Variants in MVB12B observed in about 807,000 individuals in gnomAD.
MVB12B encodes the protein ESCRT-I complex subunit MVB12B.
MVB12B carries 16 observed loss-of-function variants against 41.6 expected under a neutral mutation model. That is an observed-to-expected ratio of 0.38 (90% CI 0.26 to 0.58). MVB12B has a LOEUF of 0.58. Ranked by LOEUF, MVB12B falls within the 20% of genes least tolerant of loss-of-function variation. The pLI is 0.62. For missense variants in MVB12B, 274 were observed against 380.2 expected (o/e 0.72, Z 2.32); for synonymous variants, 133 against 139.7 (o/e 0.95, Z 0.34).
chr9:126,490,886 A>G (rs1032139598), intron 9 of MVB12B, among the ~76,000 whole-genome samples: 5 of 152,224 alleles, frequency 3.3e-5, no homozygotes, highest in African/African-American at 9.6e-5. Context: ...TTAAATGAAC[A>G]TATTTGCTAA....
intron 5 of MVB12B, among the ~76,000 whole-genome samples, chr9:126,394,911 T>C (rs951308348): frequency 2.6e-5 from 4 of 152,116 alleles, no homozygotes; most frequent in African/African-American, 9.7e-5. Context: ...CCTAGGAGCG[T>C]GGCTGTCTCC....
At chr9:126,498,566 A>G (rs1833886871) in intron 9 of MVB12B, among the ~76,000 whole-genome samples, 1 of 152,204 alleles carries the variant, frequency 6.6e-6, no homozygotes, top group Non-Finnish European at 1.5e-5. Flanking sequence ...GTTGCACCCC[A>G]GGAGAGGTAG....
At chr9:126,406,235 A>G (rs1831420621) in intron 6 of MVB12B, among the ~76,000 whole-genome samples, 1 of 152,160 alleles carries the variant, frequency 6.6e-6, no homozygotes, top group Non-Finnish European at 1.5e-5. Context: ...TTCCTGATGG[A>G]ACGCTGACCC....
intron 3 of MVB12B, among the ~76,000 whole-genome samples, chr9:126,384,802 G>A (rs553958450): frequency 6.7e-5 from 10 of 149,074 alleles, no homozygotes; most frequent in African/African-American, 2.2e-4. Context: ...CAAAGTGCTT[G>A]GATTACAGGC....
At chr9:126,476,606 G>A (rs1833426305) in intron 7 of MVB12B, among the ~76,000 whole-genome samples, 1 of 152,164 alleles carries the variant, frequency 6.6e-6, no homozygotes, top group Non-Finnish European at 1.5e-5. Context: ...GCCGGTCGCG[G>A]TGGCTCACGC....
At chr9:126,346,410 C>T (rs757569850) in intron 2 of MVB12B, among the ~76,000 whole-genome samples, 4 of 152,052 alleles carry the variant, frequency 2.6e-5, no homozygotes, top group Non-Finnish European at 4.4e-5. Context: ...GATGAGAGTG[C>T]CACAGGATGT....
intron 6 of MVB12B, among the ~76,000 whole-genome samples, chr9:126,414,977 G>T (rs563558899): frequency 6.6e-6 from 1 of 151,970 alleles, no homozygotes; most frequent in Non-Finnish European, 1.5e-5. Flanking sequence ...TGACCCACTC[G>T]CCTCGGCCTT....
intron 2 of MVB12B, among the ~76,000 whole-genome samples, chr9:126,370,491 C>T (rs1432578114): frequency 6.6e-6 from 1 of 151,110 alleles, no homozygotes; most frequent in African/African-American, 2.4e-5. Context: ...AAGTGATTCT[C>T]CTGCCTCAGC....
intron 6 of MVB12B, among the ~76,000 whole-genome samples, chr9:126,412,617 A>G (rs1008615488): frequency 2.6e-5 from 4 of 152,126 alleles, no homozygotes; most frequent in Non-Finnish European, 4.4e-5. Flanking sequence ...ATAATTTCTC[A>G]TCCAAAAAAA....
intron 7 of MVB12B, among the ~76,000 whole-genome samples, chr9:126,455,313 G>A (rs556017820): frequency 2.0e-5 from 3 of 151,392 alleles, no homozygotes; most frequent in East Asian, 3.9e-4. Context: ...TCAGCCTCCC[G>A]AGTAGATGGG....
At chr9:126,500,611 C>T (rs901756901) in intron 9 of MVB12B, among the ~76,000 whole-genome samples, 8 of 152,212 alleles carry the variant, frequency 5.3e-5, no homozygotes, top group Admixed American at 2.0e-4. Context: ...TGCATTTGAC[C>T]GGGACCCCCC....
intron 7 of MVB12B, among the ~76,000 whole-genome samples, chr9:126,422,260 CACG>C (rs879896484): frequency 2.6e-5 from 4 of 152,302 alleles, no homozygotes; most frequent in African/African-American, 4.8e-5. Context: ...GCAGGCTTCC[CACG>C]GGGCCTCGGG....
At chr9:126,467,032 C>T (rs984931356) in intron 7 of MVB12B, among the ~76,000 whole-genome samples, 10 of 151,986 alleles carry the variant, frequency 6.6e-5, no homozygotes, top group Non-Finnish European at 1.5e-4. Flanking sequence ...CAGGGTTTCA[C>T]CATGTTGCCC....
intron 6 of MVB12B, among the ~76,000 whole-genome samples, chr9:126,412,784 A>G (rs559408651): frequency 9.9e-5 from 15 of 152,136 alleles, no homozygotes; most frequent in Non-Finnish European, 1.5e-4. Context: ...GTGTGTGCCC[A>G]TGGAAAAAAG....
chr9:126,435,490 C>CCTCAATT (rs1346690188), intron 7 of MVB12B, among the ~76,000 whole-genome samples: 1 of 152,090 alleles, frequency 6.6e-6, no homozygotes, highest in Non-Finnish European at 1.5e-5. Flanking sequence ...TTTAAATCAG[C>CCTCAATT]CTCAATTTTC....
intron 1 of MVB12B, among the ~76,000 whole-genome samples, chr9:126,339,107 G>C (rs73670804): frequency 6.5e-4 from 99 of 152,324 alleles, no homozygotes; most frequent in African/African-American, 2.3e-3. Context: ...TCCTAGCCTT[G>C]ATCGAGGACT....
intron 7 of MVB12B, among the ~76,000 whole-genome samples, chr9:126,440,337 C>A (rs567705440): frequency 6.6e-6 from 1 of 152,324 alleles, no homozygotes; most frequent in South Asian, 2.1e-4. Flanking sequence ...GGCGGTGGCA[C>A]TGGGGCCTGT....
intron 8 of MVB12B, among the ~76,000 whole-genome samples, chr9:126,482,058 A>C (rs2119206858): frequency 6.6e-6 from 1 of 152,362 alleles, no homozygotes; most frequent in East Asian, 1.9e-4. Flanking sequence ...TATCAGAGGG[A>C]CCGAGTGAGC....
At chr9:126,440,935 G>T (rs1394586640) in intron 7 of MVB12B, among the ~76,000 whole-genome samples, 4 of 152,224 alleles carry the variant, frequency 2.6e-5, no homozygotes, top group Non-Finnish European at 5.9e-5. Context: ...ATGGTGTGCT[G>T]ATTAGCATAA....
Sources: gnomAD v4.1 joint callset for allele counts (sites outside exome capture counted in the v4.1 genomes callset) on GRCh38, gnomAD v4.1.1 for gene constraint, MANE v1.5 for transcripts, NCBI Gene and HGNC (gene_info 2026-07-23, HGNC 2026-07-21) for gene names.